The following RTN1 variants were observed in gnomAD, a reference collection of about 807,000 sequenced individuals.
RTN1 encodes reticulon-1.
Under a neutral mutation model 65.5 loss-of-function variants are expected in RTN1, and 25 were observed. The observed-to-expected ratio is 0.38, with a 90% CI of 0.28 to 0.53. The LOEUF is 0.53. Ranked by LOEUF, RTN1 falls within the 20% of genes least tolerant of loss-of-function variation. The pLI is 0.79. For synonymous variants in RTN1, 471 were observed against 447.6 expected, an observed-to-expected ratio of 1.05 and a Z score of -0.66; for missense variants, 983 against 1,025.4, an observed-to-expected ratio of 0.96 and a Z score of 0.57.
chr14:59,749,666 T>G (rs1347605359), intron 1 of RTN1, among the ~76,000 whole-genome samples: 1 of 93,964 alleles, frequency 1.1e-5, no homozygotes, highest in Non-Finnish European at 1.8e-5. Context: ...GATATCTATA[T>G]ATATTTATAT....
At chr14:59,687,073 G>A (rs779377136) in intron 3 of RTN1, among the ~76,000 whole-genome samples, 6 of 152,190 alleles carry the variant, frequency 3.9e-5, no homozygotes, top group Non-Finnish European at 8.8e-5. Flanking sequence ...GGTGGGAGGA[G>A]AGCCGCTACA....
intron 3 of RTN1, among the ~76,000 whole-genome samples, chr14:59,652,070 T>TG (rs1478132483): frequency 6.6e-6 from 1 of 151,762 alleles, no homozygotes; most frequent in Non-Finnish European, 1.5e-5. Context: ...AACAAGCATA[T>TG]GAAAAAAAAC....
In RTN1 at chr14:59,870,338, TG is replaced by T. The variant is rs1370255808; in HGVS notation, c.241+51del. 2 of 1,423,246 alleles carry T rather than the reference TG, an allele frequency of 1.4e-6. No individual in the cohort carries two copies. The highest frequency in any genetic ancestry group is 1.6e-5 in the South Asian group (1 of 63,162). The allele number at this position is 1,423,246 out of a possible 1,614,324, so 88.2% of individuals were successfully genotyped here. On this transcript the variant is annotated intron_variant, in intron 1 of 8. Coordinates refer to ENST00000267484, the MANE Select transcript of RTN1 (RefSeq NM_021136.3). The surrounding 1 kb of genome is among the most constrained non-coding windows in gnomAD (Gnocchi z 5.1). ...GAGAGCCGCGCAGAAGGGGACTGAC[TG>T]GGGGGCCCTGGTCCCCGACGCCATT...
intron 1 of RTN1, among the ~76,000 whole-genome samples, chr14:59,750,554 T>A (rs1885483023): frequency 1.6e-5 from 1 of 62,006 alleles, no homozygotes; most frequent in Non-Finnish European, 2.5e-5. Flanking sequence ...TAATATATAA[T>A]ATATCTATAA....
At chr14:59,665,511 T>C (rs1348309972) in intron 3 of RTN1, among the ~76,000 whole-genome samples, 2 of 152,098 alleles carry the variant, frequency 1.3e-5, no homozygotes, top group Non-Finnish European at 2.9e-5. Context: ...AGACCATTGA[T>C]GCTATGAAGA....
chr14:59,810,784 C>G (rs1450341586), intron 1 of RTN1, among the ~76,000 whole-genome samples: 1 of 152,114 alleles, frequency 6.6e-6, no homozygotes, highest in Non-Finnish European at 1.5e-5. Context: ...ACAAGTACAG[C>G]CATGGCAGCA....
In RTN1 at chr14:59,745,826, C is replaced by A. The variant is rs187646949; in HGVS notation, c.897G>T (p.Lys299Asn). The A allele has an allele frequency of 1.5e-4, 243 of 1,613,966 alleles. 2 individuals carry two copies. In the East Asian group the frequency reaches 5.0e-3, roughly 33 times the overall value. ...EPSVETTTQEKTPEKQDICLK... is the reference protein window; with the variant it reads ...EPSVETTTQENTPEKQDICLK... ...GACATATATCTTGCTTCTCAGGGGT[C>A]TTCTCTTGGGTAGTGGTTTCAACAG... The change falls in exon 2 of 9, where the codon AAG becomes AAT. Residue 299 changes from lysine (K) to asparagine (N), a missense_variant. Lys to Asn is a moderately conservative substitution (Grantham distance 94). Around this residue, in one of 2 missense-constraint regions of RTN1, gnomAD observed 818 missense variants for 801.8 expected, o/e 1.02. Coordinates refer to ENST00000267484, the MANE Select transcript of RTN1 (RefSeq NM_021136.3).
At chr14:59,693,136 T>A (rs1883994831) in intron 3 of RTN1, among the ~76,000 whole-genome samples, 1 of 152,190 alleles carries the variant, frequency 6.6e-6, no homozygotes, top group Admixed American at 6.6e-5. Flanking sequence ...GATCTTGGAC[T>A]TACAGCTTCC....
intron 3 of RTN1, among the ~76,000 whole-genome samples, chr14:59,654,432 G>GTA (rs370396777): frequency 2.8e-5 from 3 of 108,844 alleles, no homozygotes; most frequent in South Asian, 2.9e-4. Context: ...CTGTCTCTGT[G>GTA]AAAAAAAAAA....
chr14:59,616,821 A>T (rs563045442), intron 3 of RTN1, among the ~76,000 whole-genome samples: 1 of 152,332 alleles, frequency 6.6e-6, no homozygotes, highest in African/African-American at 2.4e-5. Flanking sequence ...AGAGAGGAAA[A>T]GAACAAACTT....
intron 3 of RTN1, among the ~76,000 whole-genome samples, chr14:59,657,556 C>T (rs1469033042): frequency 2.0e-5 from 3 of 152,308 alleles, no homozygotes; most frequent in Middle Eastern, 6.8e-3. Context: ...GCTCATCTCA[C>T]TGGGACTGGT....
At chr14:59,610,307 T>C (rs1028591781) in intron 3 of RTN1, 1 of 581,896 alleles carries the variant, frequency 1.7e-6, no homozygotes, top group African/African-American at 1.9e-5. Context: ...TTCAATTACT[T>C]GCTAAGATTG....
chr14:59,750,094 T>A (rs1039475338), intron 1 of RTN1, among the ~76,000 whole-genome samples: 6 of 59,310 alleles, frequency 1.0e-4, no homozygotes, highest in African/African-American at 4.4e-4. Flanking sequence ...GACATATATA[T>A]TATATATTAT....
chr14:59,834,578 T>C (rs1281535896), intron 1 of RTN1, among the ~76,000 whole-genome samples: 2 of 152,098 alleles, frequency 1.3e-5, no homozygotes, highest in Non-Finnish European at 2.9e-5. Context: ...AAAGAAGATA[T>C]ATGGCTAGCA....
intron 8 of RTN1, 39 bp downstream of exon 8, chr14:59,603,024 AAG>A (rs780521484): frequency 1.9e-6 from 3 of 1,546,798 alleles, no homozygotes; most frequent in Non-Finnish European, 2.7e-6. Context: ...ATGCTGATGT[AAG>A]AGAGTCTCTC....
At chr14:59,662,282 G>A (rs1448548120) in intron 3 of RTN1, among the ~76,000 whole-genome samples, 17 of 151,308 alleles carry the variant, frequency 1.1e-4, no homozygotes, top group East Asian at 3.9e-4. Flanking sequence ...TTTACATTAC[G>A]TATATCTCCT....
chr14:59,833,847 T>C (rs1887168784), intron 1 of RTN1, among the ~76,000 whole-genome samples: 2 of 152,188 alleles, frequency 1.3e-5, no homozygotes, highest in South Asian at 4.1e-4. Context: ...CCAAAGCAAA[T>C]GCTATCTCTG....
chr14:59,753,410 ACTT>A (rs1885571369), intron 1 of RTN1, among the ~76,000 whole-genome samples: 1 of 152,154 alleles, frequency 6.6e-6, no homozygotes, highest in African/African-American at 2.4e-5. Context: ...TATTTTTAAA[ACTT>A]TTTTCACACA....
chr14:59,764,859 C>T (rs958979665), intron 1 of RTN1, among the ~76,000 whole-genome samples: 15 of 152,052 alleles, frequency 9.9e-5, no homozygotes, highest in African/African-American at 3.6e-4. Flanking sequence ...ATATAAGGAT[C>T]TACCTTATAT....
Sources: gnomAD v4.1 joint callset for allele counts (sites outside exome capture counted in the v4.1 genomes callset) on GRCh38, gnomAD v4.1.1 for gene constraint, gnomAD v4.1.1 regional missense constraint, Gnocchi (gnomAD v3.1) non-coding constraint, MANE v1.5 for transcripts, NCBI Gene and HGNC (gene_info 2026-07-23, HGNC 2026-07-21) for gene names.